Variants in FREM3 observed in about 807,000 individuals in gnomAD.
FREM3 encodes FRAS1-related extracellular matrix protein 3.
In FREM3, 105 loss-of-function variants were observed where a neutral mutation model predicts 129.1. The observed-to-expected ratio is 0.81, with a 90% confidence interval of 0.69 to 0.96. The LOEUF is 0.96. Among genes scored for constraint, FREM3 ranks in the 40% least tolerant of loss-of-function variants. The pLI, the probability that FREM3 is intolerant of heterozygous loss-of-function variation, is 0.00. For synonymous variants in FREM3, 1,014 were observed against 1,044.9 expected (o/e 0.97, Z 0.57); for missense variants, 2,593 against 2,666.3 (o/e 0.97, Z 0.61).
Position 143,699,631 on chromosome 4 carries a change from C to A in FREM3, c.1045G>T (p.Ala349Ser), listed in dbSNP as rs954504423. ...GGGTGCCCTGGTGGGTGAGTGGGGG[C>A]GTTCAGAATGTTGAACACCAGGTCA... ...PGDLVFNILN[A>S]PTHPPGHPGQ... is the part of the protein sequence containing the mutation. Residue 349 changes from alanine to serine, a missense_variant, in exon 1 of 8, where the codon GCC becomes TCC. Coordinates refer to ENST00000329798, the MANE Select transcript of FREM3 (RefSeq NM_001168235.2). The surrounding 1 kb of genome is among the most constrained non-coding windows in gnomAD (Gnocchi z 4.2). The A allele has an allele frequency of 1.3e-6, 2 of 1,529,684 alleles. No homozygotes were observed. Among genetic ancestry groups the A allele is most frequent in the Non-Finnish European group, 1.8e-6 (2 of 1,142,174 alleles). The allele number at this position is 1,529,684 out of a possible 1,614,324, so 94.8% of individuals were successfully genotyped here. A position where few individuals can be genotyped will look rare whatever the true frequency, so the allele number is the denominator to read the frequency against.
chr4:143,664,498 G>C (rs1048184321), intron 2 of FREM3, among the ~76,000 whole-genome samples: 1 of 152,128 alleles, frequency 6.6e-6, no homozygotes, highest in Non-Finnish European at 1.5e-5. Context: ...TGCCCCTACT[G>C]GGGGATGCCT....
chr4:143,647,508 G>T (rs193209769), intron 2 of FREM3, among the ~76,000 whole-genome samples: 1 of 152,290 alleles, frequency 6.6e-6, no homozygotes, highest in Non-Finnish European at 1.5e-5. Context: ...ATTGTTTTGT[G>T]GGATGGGCCC....
At chr4:143,662,539 C>A (rs866683200) in intron 2 of FREM3, among the ~76,000 whole-genome samples, 1 of 85,310 alleles carries the variant, frequency 1.2e-5, no homozygotes, top group African/African-American at 3.5e-5. Context: ...AGGTGTGGTG[C>A]GGAAAAAAAT....
intron 6 of FREM3, among the ~76,000 whole-genome samples, chr4:143,595,359 G>T (rs980107869): frequency 6.6e-6 from 1 of 152,154 alleles, no homozygotes; most frequent in Non-Finnish European, 1.5e-5. Flanking sequence ...GTCAGTATTG[G>T]TTCTGTAATA....
At chr4:143,658,835 G>A (rs761568530) in intron 2 of FREM3, among the ~76,000 whole-genome samples, 1 of 152,058 alleles carries the variant, frequency 6.6e-6, no homozygotes, top group Non-Finnish European at 1.5e-5. Context: ...TATCCTTCAT[G>A]GTCTGGAGCA....
chr4:143,662,831 T>C (rs1483517630), intron 2 of FREM3, among the ~76,000 whole-genome samples: 1 of 152,052 alleles, frequency 6.6e-6, no homozygotes, highest in African/African-American at 2.4e-5. Context: ...CCTTTACCAT[T>C]ATGTAATGGC....
rs1333769123 is a variant in FREM3, at chr4:143,696,205, A to G, written c.4471T>C (p.Leu1491=). 2.7e-5 allele frequency: 41 copies of G among 1,537,850 alleles called. 2 individuals carry two copies. The Admixed American group carries it at 3.3e-4, about 13-fold the overall frequency. The part of the protein sequence containing the change: ...EPIASFTQLQ[L]ASNKISYVHT... ...ACATAGGATATTTTGTTGCTAGCCA[A>G]TTGAAGTTGAGTGAAAGAGGCAATG... is the stretch of plus-strand genomic sequence containing the variant. Residue 1491 remains leucine, a synonymous_variant, in exon 1 of 8, where the codon TTG becomes CTG. Coordinates refer to ENST00000329798, the MANE Select transcript of FREM3 (RefSeq NM_001168235.2).
intron 2 of FREM3, among the ~76,000 whole-genome samples, chr4:143,629,919 G>A (rs1382465491): frequency 2.0e-5 from 3 of 152,110 alleles, no homozygotes; most frequent in African/African-American, 4.8e-5. Flanking sequence ...CGCTTCAAAA[G>A]CAAAGTAGGA....
intron 2 of FREM3, among the ~76,000 whole-genome samples, chr4:143,635,133 T>C (rs1226341071): frequency 6.6e-6 from 1 of 152,058 alleles, no homozygotes; most frequent in African/African-American, 2.4e-5. Flanking sequence ...AGGGAGACAC[T>C]GTAGAAAAAG....
In FREM3 at chr4:143,634,850, A is replaced by G. The variant is rs145384628; in HGVS notation, c.5276-7090T>C. Among the ~76,000 whole-genome samples, 82 of 152,098 alleles carry G rather than the reference A, an allele frequency of 5.4e-4. No homozygotes were observed. In the East Asian group the frequency reaches 0.014, roughly 26 times the overall value. ...TCAGGAAATTGTGAGGAGGTGTGGG[A>G]TGAGGGGATGTCACTGTGGTCCTTC... On this transcript the variant is annotated intron_variant, in intron 2 of 7. Transcript: ENST00000329798.
At position 143,585,904 on chromosome 4, in the gene FREM3, G is replaced by T. The variant is rs1416109268; in HGVS notation, c.6118C>A (p.Leu2040Ile). ...ACGGCGATGGATGATGGTTGGGAAAGATCAGTGCCTCTTCTCCAAACACAA... is the reference window on the plus strand; with the variant it reads ...ACGGCGATGGATGATGGTTGGGAAATATCAGTGCCTCTTCTCCAAACACAA... ...EVCVWRRGTD[L>I]SQPSSIAVRS... The change falls in exon 7 of 8, where the codon CTT becomes ATT. Residue 2040 changes from leucine (L) to isoleucine (I), a missense_variant. Leu to Ile is a conservative substitution (Grantham distance 5). This residue lies in a region of FREM3 where 317 missense variants were observed against 399.0 expected (regional missense o/e 0.79). Coordinates refer to ENST00000329798, the MANE Select transcript of FREM3 (RefSeq NM_001168235.2). The surrounding 1 kb of genome is among the most constrained non-coding windows in gnomAD (Gnocchi z 4.2). The T allele has an allele frequency of 3.6e-5, 55 of 1,537,274 alleles. No individual in the cohort carries two copies. Among genetic ancestry groups the T allele is most frequent in the Non-Finnish European group, 4.3e-5 (49 of 1,146,956 alleles).
intron 2 of FREM3, among the ~76,000 whole-genome samples, chr4:143,641,645 C>G (rs777515332): frequency 1.3e-5 from 2 of 152,306 alleles, no homozygotes; most frequent in Admixed American, 6.5e-5. Context: ...TTGGCCAACA[C>G]TTATCAGGCT....
intron 6 of FREM3, among the ~76,000 whole-genome samples, chr4:143,595,975 A>C (rs1264806885): frequency 6.6e-6 from 1 of 151,718 alleles, no homozygotes; most frequent in African/African-American, 2.4e-5. Flanking sequence ...AAAATGAGTG[A>C]GAATTGACCA....
At chr4:143,661,927 G>A (rs1182666990) in intron 2 of FREM3, among the ~76,000 whole-genome samples, 4 of 152,002 alleles carry the variant, frequency 2.6e-5, no homozygotes, top group African/African-American at 4.8e-5. Context: ...TGTGGGATCA[G>A]TGGTGATATC....
chr4:143,684,127 ACT>A (rs1740310344), intron 2 of FREM3, among the ~76,000 whole-genome samples: 1 of 152,120 alleles, frequency 6.6e-6, no homozygotes, highest in Non-Finnish European at 1.5e-5. Context: ...GACCCTGCCC[ACT>A]GCTGGTTCCT....
Position 143,624,098 on chromosome 4 carries a change from T to G in FREM3, c.5653+10A>C. Reference sequence around the variant, plus strand: ...CTGGTTAATAAAGCAAATCAATCAGTGTCACATACCATCTCCAGGGTCTAC... The same window carrying G: ...CTGGTTAATAAAGCAAATCAATCAGGGTCACATACCATCTCCAGGGTCTAC... On this transcript the variant is annotated intron_variant, in intron 4 of 7. Transcript: ENST00000329798. The G allele has an allele frequency of 6.9e-7, 1 of 1,439,300 alleles. No homozygotes were observed. Among genetic ancestry groups the G allele is most frequent in the Non-Finnish European group, 9.5e-7 (1 of 1,057,644 alleles). The allele number at this position is 1,439,300 out of a possible 1,614,324, so 89.2% of individuals were successfully genotyped here.
chr4:143,654,630 C>T (rs1407861336), intron 2 of FREM3, among the ~76,000 whole-genome samples: 3 of 152,208 alleles, frequency 2.0e-5, no homozygotes, highest in Non-Finnish European at 4.4e-5. Flanking sequence ...TCCTTCCCAT[C>T]TTCTAGCTGC....
At chr4:143,606,430 G>T (rs749895741) in intron 6 of FREM3, among the ~76,000 whole-genome samples, 2 of 151,842 alleles carry the variant, frequency 1.3e-5, no homozygotes, top group Non-Finnish European at 2.9e-5. Flanking sequence ...TAACAATGGG[G>T]TTAAACTTTG....
chr4:143,675,811 C>G (rs1740108062), intron 2 of FREM3, among the ~76,000 whole-genome samples: 1 of 152,182 alleles, frequency 6.6e-6, no homozygotes, highest in South Asian at 2.1e-4. Context: ...TAAATTCCTC[C>G]ACACGTACAC....
Sources: allele counts gnomAD v4.1 joint callset (sites outside exome capture counted in the v4.1 genomes callset), GRCh38; gene constraint gnomAD v4.1.1; regional missense constraint gnomAD v4.1.1; non-coding constraint Gnocchi (gnomAD v3.1); transcripts MANE v1.5; gene names NCBI Gene and HGNC (gene_info 2026-07-23, HGNC 2026-07-21).